The following ANKRD50 variants were observed in gnomAD, a reference collection of about 807,000 sequenced individuals.
The protein encoded by ANKRD50 is ankyrin repeat domain 50.
A neutral mutation model predicts 112.0 loss-of-function variants in ANKRD50; 40 were observed. The observed-to-expected ratio is 0.36, with a 90% CI of 0.28 to 0.46. The LOEUF is 0.46. ANKRD50 is among the 20% of genes least tolerant of loss of function. ANKRD50 has a pLI of 1.00. For missense variants in ANKRD50, 1,487 were observed against 1,701.7 expected, an observed-to-expected ratio of 0.87 and a Z score of 2.22; for synonymous variants, 613 against 619.1, an observed-to-expected ratio of 0.99 and a Z score of 0.15.
chr4:124,708,691 T>TACACACACAC (rs10558584), intron 2 of ANKRD50, among the ~76,000 whole-genome samples: 4 of 145,672 alleles, frequency 2.7e-5, no homozygotes, highest in African/African-American at 5.1e-5. Context: ...TACTAACACA[T>TACACACACAC]ACACACACAC....
At position 124,667,464 on chromosome 4, in the gene ANKRD50, T is replaced by C. The variant is rs1234228199; in HGVS notation, c.*54A>G. 1 of 152,002 alleles carries C rather than the reference T, an allele frequency of 6.6e-6. No individual in the cohort carries two copies. The highest frequency in any genetic ancestry group is 1.5e-5 in the Non-Finnish European group (1 of 67,948). 9.4% of individuals were successfully genotyped at this position (152,002 alleles called of 1,614,324 possible). ...TCAACAGGCATATGTTTCCATCCAG[T>C]AGCTGAAGAACCACTCCATCACAAT... is the stretch of plus-strand genomic sequence containing the variant. On this transcript the variant is annotated 3_prime_UTR_variant, in exon 5 of 5. Coordinates refer to ENST00000504087, the MANE Select transcript of ANKRD50 (RefSeq NM_020337.3).
Position 124,666,016 on chromosome 4 carries a change from G to C in ANKRD50, c.*1502C>G, listed in dbSNP as rs1016398747. On this transcript the variant is annotated 3_prime_UTR_variant, in exon 5 of 5. Coordinates refer to ENST00000504087, the MANE Select transcript of ANKRD50 (RefSeq NM_020337.3). ...CTAGAAGTAGCAATGGTTTTGTGCT[G>C]AATCTCCAAATTCTCTTTCCTCATT... The C allele has an allele frequency of 3.9e-5, 6 of 151,958 alleles. No individual in the cohort carries two copies. Among genetic ancestry groups the C allele is most frequent in the African/African-American group, 1.4e-4 (6 of 41,414 alleles). The allele number at this position is 151,958 out of a possible 1,614,324, so 9.4% of individuals were successfully genotyped here.
chr4:124,689,738 G>C (rs943408890), intron 2 of ANKRD50, among the ~76,000 whole-genome samples: 2 of 152,198 alleles, frequency 1.3e-5, no homozygotes, highest in Non-Finnish European at 1.5e-5. Context: ...TGGCTCTCCT[G>C]GGTTTGCAGC....
rs754947955 is a variant in ANKRD50 at position 124,678,710 on chromosome 4, T to A, written c.708A>T (p.Arg236=). 5.0e-6 allele frequency: 8 copies of A among 1,613,650 alleles called. No homozygotes were observed. In the South Asian group the frequency reaches 8.8e-5, roughly 18 times the overall value. ...PPWLLLLCSA[R]KQSKAVTKMF... is the part of the protein sequence containing the mutation. ...TTTTAGTAACAGCCTTACTCTGCTT[T>A]CGGGCAGAACAGAGAAGCAATAGCC... is the stretch of plus-strand genomic sequence containing the variant. The change falls in exon 3 of 5, where the codon CGA becomes CGT. Residue 236 remains arginine (R), a synonymous_variant. Coordinates refer to ENST00000504087, the MANE Select transcript of ANKRD50 (RefSeq NM_020337.3).
chr4:124,682,248 A>G (rs939001206), intron 2 of ANKRD50, among the ~76,000 whole-genome samples: 2 of 148,340 alleles, frequency 1.3e-5, no homozygotes, highest in African/African-American at 5.0e-5. Context: ...CCCGGGAAGC[A>G]GAGCTTGCAG....
In ANKRD50 at chr4:124,669,183, G is replaced by A; in HGVS notation, c.4094C>T (p.Pro1365Leu). 6.2e-7 allele frequency: 1 copy of A among 1,613,598 alleles called. No individual in the cohort carries two copies. Among genetic ancestry groups the A allele is most frequent in the African/African-American group, 1.3e-5 (1 of 74,958 alleles). The stretch of plus-strand genomic sequence containing the variant: ...CTGGTTGCTCTGAAGATGATAATTT[G>A]GATTTGTCATTATTCCATTTCTCTT... ...QKKRNGIMTN[P>L]NYHLQSNQVF... Residue 1365 changes from proline to leucine, a missense_variant, in exon 4 of 5, where the codon CCA (proline) becomes CTA (leucine). Around this residue, in one of 2 missense-constraint regions of ANKRD50, gnomAD observed 441 missense variants for 432.2 expected, o/e 1.02. Coordinates refer to ENST00000504087, the MANE Select transcript of ANKRD50 (RefSeq NM_020337.3).
At chr4:124,704,657 CAA>C in intron 2 of ANKRD50, among the ~76,000 whole-genome samples, 1 of 152,062 alleles carries the variant, frequency 6.6e-6, no homozygotes, top group Non-Finnish European at 1.5e-5. Flanking sequence ...TGCACTCATT[CAA>C]AAGACAGTCA....
intron 2 of ANKRD50, among the ~76,000 whole-genome samples, chr4:124,692,921 A>G (rs896865896): frequency 6.6e-6 from 1 of 152,200 alleles, no homozygotes; most frequent in African/African-American, 2.4e-5. Flanking sequence ...GGATTTACCC[A>G]TTTATCCCTC....
rs1730685632 is a variant in ANKRD50 at position 124,672,488 on chromosome 4, G to A, written c.789C>T (p.Val263=). Reference sequence around the variant, plus strand: ...GAAGAATGTACTGCTGAACATCCTTGACGATATATGCCTTCCGAAGGTCAT... The same window carrying A: ...GAAGAATGTACTGCTGAACATCCTTAACGATATATGCCTTCCGAAGGTCAT... ...SLDDLRKAYI[V]KDVQQYILHR... is the part of the protein sequence containing the mutation. Residue 263 remains valine, a synonymous_variant, in exon 4 of 5, where the codon GTC becomes GTT. Coordinates refer to ENST00000504087, the MANE Select transcript of ANKRD50 (RefSeq NM_020337.3). 10 of 1,607,398 alleles carry A rather than the reference G, an allele frequency of 6.2e-6. No homozygotes were observed. Among genetic ancestry groups the A allele is most frequent in the African/African-American group, 1.3e-5 (1 of 74,518 alleles).
Position 124,672,523 on chromosome 4 carries a change from T to A in ANKRD50, c.754A>T (p.Ile252Leu), listed in dbSNP as rs551945003. 1 of 1,584,662 alleles carries A rather than the reference T, an allele frequency of 6.3e-7. No individual in the cohort carries two copies. The highest frequency in any genetic ancestry group is 2.2e-5 in the East Asian group (1 of 44,616). Residue 252 changes from isoleucine (I) to leucine (L), a missense_variant, in exon 4 of 5, where the codon ATA becomes TTA. This residue lies in a region of ANKRD50 where 1,046 missense variants were observed against 1,269.5 expected (regional missense o/e 0.82). Coordinates refer to ENST00000504087, the MANE Select transcript of ANKRD50 (RefSeq NM_020337.3). ...VTKMFTGFRK[I>L]SLDDLRKAYI... ...GCCTTCCGAAGGTCATCTAAACTTATTTTTCGAAAACCTAAAGAAGAGATA... is the reference window on the plus strand; with the variant it reads ...GCCTTCCGAAGGTCATCTAAACTTAATTTTCGAAAACCTAAAGAAGAGATA...
At chr4:124,674,422 T>C (rs1452331961) in intron 3 of ANKRD50, among the ~76,000 whole-genome samples, 1 of 151,960 alleles carries the variant, frequency 6.6e-6, no homozygotes, top group East Asian at 1.9e-4. Context: ...GCTACATTTA[T>C]TGAGAGTCAA....
intron 2 of ANKRD50, among the ~76,000 whole-genome samples, chr4:124,682,940 G>A (rs1195470043): frequency 6.6e-6 from 1 of 151,952 alleles, no homozygotes; most frequent in Non-Finnish European, 1.5e-5. Flanking sequence ...TAACGTACAT[G>A]TATGTCAGTA....
Position 124,665,884 on chromosome 4 carries a change from A to G in ANKRD50, c.*1634T>C, listed in dbSNP as rs923586290. 6 of 152,458 alleles carry G rather than the reference A, an allele frequency of 3.9e-5. No individual in the cohort carries two copies. The highest frequency in any genetic ancestry group is 3.4e-3 in the Middle Eastern group (1 of 294). 9.4% of individuals were successfully genotyped at this position (152,458 alleles called of 1,614,324 possible). On this transcript the variant is annotated 3_prime_UTR_variant, in exon 5 of 5. Coordinates refer to ENST00000504087, the MANE Select transcript of ANKRD50 (RefSeq NM_020337.3). ...ATAAGATTCAAGTGAAACATTTATC[A>G]TAATTATACATTTCTATTTCCACGA...
Position 124,670,059 on chromosome 4 carries a change from T to C in ANKRD50, c.3218A>G (p.His1073Arg), listed in dbSNP as rs772947133. The C allele has an allele frequency of 5.0e-6, 8 of 1,612,608 alleles. No homozygotes were observed. In the Admixed American group the frequency reaches 1.2e-4, roughly 24 times the overall value. ...VLLEHGADPN[H>R]ADQFGRTAMR... ...AGCAGTGCGTCCAAATTGATCAGCATGGTTTGGATCAGCACCATGCTCTAA... is the reference window on the plus strand; with the variant it reads ...AGCAGTGCGTCCAAATTGATCAGCACGGTTTGGATCAGCACCATGCTCTAA... The change falls in exon 4 of 5, where the codon CAT becomes CGT. Residue 1073 changes from histidine to arginine, a missense_variant. Physicochemically the swap from His to Arg is conservative, Grantham distance 29 (BLOSUM62 0). This residue lies in a region of ANKRD50 where 441 missense variants were observed against 432.2 expected (regional missense o/e 1.02). Coordinates refer to ENST00000504087, the MANE Select transcript of ANKRD50 (RefSeq NM_020337.3).
At chr4:124,705,968 G>A (rs1163253476) in intron 2 of ANKRD50, among the ~76,000 whole-genome samples, 6 of 151,924 alleles carry the variant, frequency 3.9e-5, no homozygotes, top group Non-Finnish European at 5.9e-5. Flanking sequence ...AACCAGATAC[G>A]AAAAATAAAA....
At chr4:124,706,903 A>T (rs1725518829) in intron 2 of ANKRD50, among the ~76,000 whole-genome samples, 1 of 152,062 alleles carries the variant, frequency 6.6e-6, no homozygotes, top group African/African-American at 2.4e-5. Context: ...TAATTTATTG[A>T]ATACTATATT....
intron 2 of ANKRD50, among the ~76,000 whole-genome samples, chr4:124,682,283 T>C (rs904722224): frequency 1.8e-4 from 24 of 131,354 alleles, no homozygotes; most frequent in African/African-American, 6.5e-4. Flanking sequence ...GCCACTGCAG[T>C]CCGCAGTCCG....
At position 124,669,584 on chromosome 4, in the gene ANKRD50, T is replaced by C; in HGVS notation, c.3693A>G (p.Ser1231=). ...HSLPRSRSRQ[S]IVSPSSTTQS... Reference sequence around the variant, plus strand: ...GTGTTGTGGAAGATGGGGAAACAATTGACTGTCGACTTCTACTGCGTGGCA... The same window carrying C: ...GTGTTGTGGAAGATGGGGAAACAATCGACTGTCGACTTCTACTGCGTGGCA... Residue 1231 remains serine (S), a synonymous_variant, in exon 4 of 5, where the codon TCA becomes TCG. Transcript: ENST00000504087. 3 of 1,613,494 alleles carry C rather than the reference T, an allele frequency of 1.9e-6. No homozygotes were observed. The highest frequency in any genetic ancestry group is 2.5e-6 in the Non-Finnish European group (3 of 1,179,820).
At position 124,669,811 on chromosome 4, in the gene ANKRD50, C is replaced by T. The variant is rs1377321414; in HGVS notation, c.3466G>A (p.Gly1156Arg). The change falls in exon 4 of 5, where the codon GGG becomes AGG. Residue 1156 changes from glycine (G) to arginine (R), a missense_variant. Around this residue, in one of 2 missense-constraint regions of ANKRD50, gnomAD observed 441 missense variants for 432.2 expected, o/e 1.02. Coordinates refer to ENST00000504087, the MANE Select transcript of ANKRD50 (RefSeq NM_020337.3). ...MQPSLRGLPN[G>R]PTHAFSSPSE... is the part of the protein sequence containing the mutation. ...GGAGAACTAAAAGCATGAGTAGGCC[C>T]ATTAGGTAAACCACGTAACGAAGGC... 8 of 1,613,070 alleles carry T rather than the reference C, an allele frequency of 5.0e-6. No individual in the cohort carries two copies. The highest frequency in any genetic ancestry group is 6.8e-6 in the Non-Finnish European group (8 of 1,179,686).
Sources: allele counts gnomAD v4.1 joint callset (sites outside exome capture counted in the v4.1 genomes callset), GRCh38; gene constraint gnomAD v4.1.1; regional missense constraint gnomAD v4.1.1; transcripts MANE v1.5; gene names NCBI Gene and HGNC (gene_info 2026-07-23, HGNC 2026-07-21).